Variants in POU2F1 observed in about 807,000 individuals in gnomAD.
POU2F1 encodes POU domain, class 2, transcription factor 1.
Under a neutral mutation model 84.9 loss-of-function variants are expected in POU2F1, and 16 were observed. The observed-to-expected ratio is 0.19, with a 90% CI of 0.13 to 0.29. The LOEUF (loss-of-function observed/expected upper bound fraction) is 0.29, where lower values mean the gene tolerates loss of function less well. POU2F1 is among the 10% of genes least tolerant of loss of function. POU2F1 has a pLI of 1.00. For synonymous variants in POU2F1, 368 were observed against 368.3 expected, an observed-to-expected ratio of 1.00 and a Z score of 0.01; for missense variants, 738 against 942.6, an observed-to-expected ratio of 0.78 and a Z score of 2.84.
intron 1 of POU2F1, among the ~76,000 whole-genome samples, chr1:167,251,863 T>A (rs991378455): frequency 6.6e-6 from 1 of 150,806 alleles, no homozygotes; most frequent in Non-Finnish European, 1.5e-5. Flanking sequence ...TTTTTTTTTT[T>A]AAACAGAGCC....
At chr1:167,356,132 G>A (rs979717624) in intron 2 of POU2F1, among the ~76,000 whole-genome samples, 3 of 148,772 alleles carry the variant, frequency 2.0e-5, no homozygotes, top group Non-Finnish European at 3.0e-5. Flanking sequence ...CTATAGGCAC[G>A]TCCCACCACG....
chr1:167,308,398 G>C (rs1038728321), intron 1 of POU2F1, among the ~76,000 whole-genome samples: 1 of 151,614 alleles, frequency 6.6e-6, no homozygotes, highest in Admixed American at 6.6e-5. Context: ...ACCTTTGATC[G>C]CTTAAGGTGA....
At chr1:167,239,958 T>C (rs1571144748) in intron 1 of POU2F1, among the ~76,000 whole-genome samples, 1 of 151,568 alleles carries the variant, frequency 6.6e-6, no homozygotes, top group Non-Finnish European at 1.5e-5. Flanking sequence ...TTTTTTTTTT[T>C]TCTTTAAGCT....
chr1:167,268,668 CT>C (rs1425431450), intron 1 of POU2F1, among the ~76,000 whole-genome samples: 1 of 152,188 alleles, frequency 6.6e-6, no homozygotes, highest in Admixed American at 6.5e-5. Flanking sequence ...ACCAGTGAAG[CT>C]TTGGGTCTTT....
intron 13 of POU2F1, among the ~76,000 whole-genome samples, chr1:167,408,596 G>T (rs1338823185): frequency 6.6e-6 from 1 of 152,166 alleles, no homozygotes; most frequent in Non-Finnish European, 1.5e-5. Flanking sequence ...TTAAGTAAAA[G>T]AAGCCAGATG....
At chr1:167,307,696 T>A (rs1219473034) in intron 1 of POU2F1, among the ~76,000 whole-genome samples, 1 of 152,168 alleles carries the variant, frequency 6.6e-6, no homozygotes, top group Admixed American at 6.5e-5. Flanking sequence ...ATAGCCACAA[T>A]ACAAACATAA....
At chr1:167,322,435 G>A (rs1489521581) in intron 1 of POU2F1, among the ~76,000 whole-genome samples, 1 of 152,220 alleles carries the variant, frequency 6.6e-6, no homozygotes, top group Non-Finnish European at 1.5e-5. Flanking sequence ...CATCCTCACT[G>A]GCAAGGGTTG....
At chr1:167,290,790 C>T (rs1653870735) in intron 1 of POU2F1, among the ~76,000 whole-genome samples, 1 of 152,146 alleles carries the variant, frequency 6.6e-6, no homozygotes. Flanking sequence ...TGCCTGTAAT[C>T]CCAACACTGG....
At chr1:167,383,127 T>C (rs1647689743) in intron 7 of POU2F1, among the ~76,000 whole-genome samples, 1 of 152,216 alleles carries the variant, frequency 6.6e-6, no homozygotes, top group African/African-American at 2.4e-5. Context: ...GTATTTAGTA[T>C]TTTAGCAACA....
chr1:167,367,312 C>G (rs1285203288), intron 3 of POU2F1, among the ~76,000 whole-genome samples: 1 of 152,168 alleles, frequency 6.6e-6, no homozygotes. Flanking sequence ...GCCCCATTAA[C>G]TATAAGTTCC....
rs533891222 is a variant in POU2F1 at position 167,245,112 on chromosome 1, C to CT, written c.61+24162dup. On this transcript the variant is annotated intron_variant, in intron 1 of 15. Transcript: ENST00000367866. ...AAAAAATCCGTGCCCTTCAGTGAAA[C>CT]TTTTTTTTAAAGGATCTTTGTATGT... is the stretch of plus-strand genomic sequence containing the variant. 8.6e-5 allele frequency among the ~76,000 whole-genome samples: 13 copies of CT among 152,002 alleles called. No individual in the cohort carries two copies. In the South Asian group the frequency reaches 2.5e-3, roughly 29 times the overall value.
intron 1 of POU2F1, among the ~76,000 whole-genome samples, chr1:167,243,848 T>C (rs1424061294): frequency 6.6e-6 from 1 of 152,234 alleles, no homozygotes; most frequent in Non-Finnish European, 1.5e-5. Flanking sequence ...ATTAGCATCA[T>C]GACCACTATC....
intron 1 of POU2F1, among the ~76,000 whole-genome samples, chr1:167,282,745 C>T (rs1571224413): frequency 6.6e-6 from 1 of 152,178 alleles, no homozygotes; most frequent in Non-Finnish European, 1.5e-5. Context: ...GGGAAGCCTG[C>T]TCTAACTTTC....
chr1:167,289,396 G>A (rs1653756724), intron 1 of POU2F1, among the ~76,000 whole-genome samples: 1 of 152,144 alleles, frequency 6.6e-6, no homozygotes, highest in African/African-American at 2.4e-5. Flanking sequence ...AAGTGAACAG[G>A]GTTTAAATTT....
chr1:167,260,848 C>T (rs1254811516), intron 1 of POU2F1, among the ~76,000 whole-genome samples: 1 of 151,950 alleles, frequency 6.6e-6, no homozygotes, highest in Non-Finnish European at 1.5e-5. Context: ...TCACTATATG[C>T]TAGATTAGTA....
At chr1:167,401,393 T>A (rs562865395) in intron 12 of POU2F1, 58 bp from the exon 13 acceptor site, 1 of 1,210,848 alleles carries the variant, frequency 8.3e-7, no homozygotes, top group Non-Finnish European at 1.2e-6. Context: ...GTAAAATCAT[T>A]TCCTCTTTAA....
At chr1:167,364,093 G>C (rs1171590751) in intron 2 of POU2F1, among the ~76,000 whole-genome samples, 1 of 152,174 alleles carries the variant, frequency 6.6e-6, no homozygotes, top group Non-Finnish European at 1.5e-5. Context: ...ATTTTATTCA[G>C]TACATAATGT....
intron 1 of POU2F1, among the ~76,000 whole-genome samples, chr1:167,326,470 C>T (rs1352224562): frequency 6.6e-6 from 1 of 152,088 alleles, no homozygotes; most frequent in African/African-American, 2.4e-5. Flanking sequence ...GGTGACAGTC[C>T]CTCTCCCAAT....
At chr1:167,312,564 A>G in intron 1 of POU2F1, among the ~76,000 whole-genome samples, 1 of 152,270 alleles carries the variant, frequency 6.6e-6, no homozygotes, top group Admixed American at 6.5e-5. Context: ...AAAAGTTTAT[A>G]AATTAAATAA....
Sources: allele counts gnomAD v4.1 joint callset (sites outside exome capture counted in the v4.1 genomes callset), GRCh38; gene constraint gnomAD v4.1.1; transcripts MANE v1.5; gene names NCBI Gene and HGNC (gene_info 2026-07-23, HGNC 2026-07-21).